Variants in TASOR2 observed in about 807,000 individuals in gnomAD.
TASOR2 encodes the protein protein TASOR 2.
A neutral mutation model predicts 199.5 loss-of-function variants in TASOR2; 84 were observed. The ratio of observed to expected loss-of-function variants is 0.42; its 90% CI spans 0.35 to 0.50. The LOEUF (loss-of-function observed/expected upper bound fraction) is 0.50, where lower values mean the gene tolerates loss of function less well. Ranked by LOEUF, TASOR2 falls within the 20% of genes least tolerant of loss-of-function variation. TASOR2 has a pLI of 0.02. For synonymous variants in TASOR2, 1,103 were observed against 1,046.6 expected, an observed-to-expected ratio of 1.05 and a Z score of -1.04; for missense variants, 2,796 against 2,835.9, an observed-to-expected ratio of 0.99 and a Z score of 0.32.
chr10:5,754,703 C>T lies in TASOR2; in HGVS notation c.6607-1910C>T, dbSNP rs990882206. Among the ~76,000 whole-genome samples, 4 of 151,996 alleles carry T rather than the reference C, an allele frequency of 2.6e-5. No homozygotes were observed. Among genetic ancestry groups the T allele is most frequent in the Non-Finnish European group, 5.9e-5 (4 of 68,020 alleles). On this transcript the variant is annotated intron_variant, in intron 15 of 20. Coordinates refer to ENST00000328090, the Ensembl canonical transcript of TASOR2. This position sits in a 1 kb window ranked among gnomAD's most constrained non-coding sequence, Gnocchi z 4.3. Reference sequence around the variant, plus strand: ...TTTTATCACGTGGTGTCACTGTTTACAACAGAAAATAACAAATGTGCAAAG... The same window carrying T: ...TTTTATCACGTGGTGTCACTGTTTATAACAGAAAATAACAAATGTGCAAAG...
intron 1 of TASOR2, among the ~76,000 whole-genome samples, chr10:5,688,940 T>C (rs1186613005): frequency 1.3e-5 from 2 of 152,088 alleles, no homozygotes; most frequent in African/African-American, 4.8e-5. Context: ...AAGGTTGATA[T>C]TGCAGTGAGC....
intron 1 of TASOR2, among the ~76,000 whole-genome samples, chr10:5,705,835 T>G (rs546613990): frequency 6.2e-4 from 95 of 152,284 alleles, no homozygotes; most frequent in Admixed American, 2.6e-3. Flanking sequence ...TTCCCATTTC[T>G]TAATAATGAT....
intron 9 of TASOR2, 28 bp downstream of exon 10, chr10:5,726,985 AT>A (rs1564303195): frequency 2.5e-5 from 40 of 1,613,056 alleles, no homozygotes; most frequent in Non-Finnish European, 3.4e-5. Flanking sequence ...GGGAAAAAAT[AT>A]TTTTCATTAT....
intron 14 of TASOR2, among the ~76,000 whole-genome samples, chr10:5,745,879 G>T (rs992941877): frequency 6.6e-6 from 1 of 152,216 alleles, no homozygotes; most frequent in Non-Finnish European, 1.5e-5. Context: ...CAAACAGGCT[G>T]CATTTAAAGT....
exon 15 of TASOR2, chr10:5,747,314 T>C: frequency 6.2e-7 from 1 of 1,614,076 alleles, no homozygotes; most frequent in South Asian, 1.1e-5. Flanking sequence ...AGAGAAGAAA[T>C]GCCAGCTGGT....
At position 5,759,005 on chromosome 10, in the gene TASOR2, T is replaced by G. The variant is rs1839383987; in HGVS notation, c.6992+13T>G. ...AAGAAGATGAAAGGTAAGGACTTGC[T>G]GTGTGTATGGTTCCTCCTGCCCTGC... On this transcript the variant is annotated intron_variant, in intron 18 of 20. Coordinates refer to ENST00000328090, the Ensembl canonical transcript of TASOR2. The G allele has an allele frequency of 6.3e-7, 1 of 1,583,368 alleles. No homozygotes were observed. The highest frequency in any genetic ancestry group is 1.1e-5 in the South Asian group (1 of 90,456).
intron 1 of TASOR2, among the ~76,000 whole-genome samples, chr10:5,692,461 G>A (rs527554958): frequency 1.3e-5 from 2 of 152,294 alleles, no homozygotes; most frequent in South Asian, 4.1e-4. Context: ...TGGGGTTACT[G>A]TGTGACGTCC....
At position 5,687,126 on chromosome 10, in the gene TASOR2, C is replaced by T. The variant is rs1258361564; in HGVS notation, c.-288+1951C>T. Among the ~76,000 whole-genome samples the T allele has an allele frequency of 6.6e-6, 1 of 151,986 alleles. No individual in the cohort carries two copies. The highest frequency in any genetic ancestry group is 1.5e-5 in the Non-Finnish European group (1 of 68,006). On this transcript the variant is annotated intron_variant, in intron 1 of 20. Coordinates refer to ENST00000328090, the Ensembl canonical transcript of TASOR2. This position sits in a 1 kb window ranked among gnomAD's most constrained non-coding sequence, Gnocchi z 4.8. ...ATGTCATTAATATGTACTGACAAAG[C>T]GTATCTGTGTAATAAATATGCTTTT...
chr10:5,758,165 GC>G (rs1839245083), intron 17 of TASOR2, among the ~76,000 whole-genome samples: 1 of 152,200 alleles, frequency 6.6e-6, no homozygotes, highest in African/African-American at 2.4e-5. Context: ...TATAAAACCT[GC>G]CCCGGCTCTG....
Position 5,750,659 on chromosome 10 carries a change from C to T in TASOR2, c.6606+632C>T, listed in dbSNP as rs573609161. Among the ~76,000 whole-genome samples the T allele has an allele frequency of 5.9e-5, 9 of 152,264 alleles. No homozygotes were observed. The highest frequency in any genetic ancestry group is 2.2e-4 in the African/African-American group (9 of 41,558). On this transcript the variant is annotated intron_variant, in intron 15 of 20. Transcript: ENST00000328090. This position sits in a 1 kb window ranked among gnomAD's most constrained non-coding sequence, Gnocchi z 5.4. ...TAATTTCAAATTTACATAAAGGTTG[C>T]AGAAATAGTACCCTTTACCCAGATA...
At chr10:5,709,027 C>G (rs1369885177) in intron 1 of TASOR2, among the ~76,000 whole-genome samples, 2 of 152,080 alleles carry the variant, frequency 1.3e-5, no homozygotes, top group East Asian at 3.9e-4. Flanking sequence ...TAATGTAGAG[C>G]CTGTTTCCCT....
At chr10:5,746,578 A>T in exon 15 of TASOR2, 5 of 1,614,122 alleles carry the variant, frequency 3.1e-6, no homozygotes, top group Non-Finnish European at 4.2e-6. Flanking sequence ...GGAACCAATT[A>T]CTCTCACCTT....
rs912893060 is a variant in TASOR2, at chr10:5,762,664, G to A, written c.7289+18G>A. The A allele has an allele frequency of 2.4e-5, 28 of 1,161,458 alleles. No individual in the cohort carries two copies. The highest frequency in any genetic ancestry group is 3.3e-5 in the Non-Finnish European group (26 of 798,816). The allele number at this position is 1,161,458 out of a possible 1,614,324, so 71.9% of individuals were successfully genotyped here. A position where few individuals can be genotyped will look rare whatever the true frequency, so the allele number is the denominator to read the frequency against. On this transcript the variant is annotated intron_variant, in intron 20 of 20. Coordinates refer to ENST00000328090, the Ensembl canonical transcript of TASOR2. ...AGCTATTGGTAAGAACACTTTTTAT[G>A]TAACTTTCCCATGTGAGTTGGAGTT...
At chr10:5,746,283 A>G in exon 15 of TASOR2, 1 of 1,614,162 alleles carries the variant, frequency 6.2e-7, no homozygotes, top group South Asian at 1.1e-5. Flanking sequence ...CTAGTGAAGA[A>G]GAAATTGTTC....
At chr10:5,708,501 A>G (rs1310025751) in intron 1 of TASOR2, among the ~76,000 whole-genome samples, 1 of 151,934 alleles carries the variant, frequency 6.6e-6, no homozygotes, top group Non-Finnish European at 1.5e-5. Flanking sequence ...TTCCTTGTCT[A>G]TTCTGAGCTA....
rs969106577 is a variant in TASOR2 at position 5,751,248 on chromosome 10, T to G, written c.6606+1221T>G. ...TGAGACTGTGTAAAATCCTATTCCT[T>G]ATCAGACTTTTATCCACTAGATTTA... On this transcript the variant is annotated intron_variant, in intron 15 of 20. Transcript: ENST00000328090. The surrounding 1 kb of genome is among the most constrained non-coding windows in gnomAD (Gnocchi z 5.3). Among the ~76,000 whole-genome samples, 1 of 152,246 alleles carries G rather than the reference T, an allele frequency of 6.6e-6. No homozygotes were observed. The highest frequency in any genetic ancestry group is 2.4e-5 in the African/African-American group (1 of 41,466).
In TASOR2 at chr10:5,759,112, G is replaced by C; in HGVS notation, c.6992+120G>C. Reference sequence around the variant, plus strand: ...AATGGCCTTCATCAGTAAAGAGCATGAGGGCTGCTGGCTCTGTATTCAATG... The same window carrying C: ...AATGGCCTTCATCAGTAAAGAGCATCAGGGCTGCTGGCTCTGTATTCAATG... On this transcript the variant is annotated intron_variant, in intron 18 of 20. Transcript: ENST00000328090. 1.3e-5 allele frequency: 9 copies of C among 672,686 alleles called. No homozygotes were observed. The South Asian group carries it at 1.7e-4, about 13-fold the overall frequency. The allele number at this position is 672,686 out of a possible 1,614,324, so 41.7% of individuals were successfully genotyped here. A position where few individuals can be genotyped will look rare whatever the true frequency, so the allele number is the denominator to read the frequency against.
At chr10:5,747,664 C>A (rs757706768) in exon 15 of TASOR2, 24 of 1,614,062 alleles carry the variant, frequency 1.5e-5, no homozygotes, top group Non-Finnish European at 1.9e-5. Context: ...TAAAGAGACA[C>A]GACCATATCA....
In TASOR2 at chr10:5,751,700, A is replaced by G. The variant is rs1002803082; in HGVS notation, c.6606+1673A>G. On this transcript the variant is annotated intron_variant, in intron 15 of 20. Transcript: ENST00000328090. This position sits in a 1 kb window ranked among gnomAD's most constrained non-coding sequence, Gnocchi z 5.3. ...AGGAGCTGTGACTCTTTAGTGAAGAATGGCATTTAGAACCACCATCTAGGC... is the reference window on the plus strand; with the variant it reads ...AGGAGCTGTGACTCTTTAGTGAAGAGTGGCATTTAGAACCACCATCTAGGC... Among the ~76,000 whole-genome samples the G allele has an allele frequency of 1.3e-5, 2 of 152,224 alleles. No individual in the cohort carries two copies. The highest frequency in any genetic ancestry group is 4.8e-5 in the African/African-American group (2 of 41,458).
Sources: gnomAD v4.1 joint callset for allele counts (sites outside exome capture counted in the v4.1 genomes callset) on GRCh38, gnomAD v4.1.1 for gene constraint, Gnocchi (gnomAD v3.1) non-coding constraint, MANE v1.5 for transcripts, NCBI Gene and HGNC (gene_info 2026-07-23, HGNC 2026-07-21) for gene names.